AUTS2: variants seen among roughly 807,000 people sequenced by gnomAD.
AUTS2 encodes autism susceptibility gene 2 protein.
A neutral mutation model predicts 112.4 loss-of-function variants in AUTS2; 17 were observed. The observed-to-expected ratio is 0.15, with a 90% CI of 0.10 to 0.23. AUTS2 has a LOEUF of 0.23. Among genes scored for constraint, AUTS2 ranks in the 10% least tolerant of loss-of-function variants. AUTS2 has a pLI of 1.00. For synonymous variants in AUTS2, 751 were observed against 702.7 expected (o/e 1.07, Z -1.09); for missense variants, 1,510 against 1,701.6 (o/e 0.89, Z 1.98).
At chr7:69,950,374 A>C (rs192073323) in intron 2 of AUTS2, among the ~76,000 whole-genome samples, 40 of 152,248 alleles carry the variant, frequency 2.6e-4, no homozygotes, top group African/African-American at 9.4e-4. Context: ...AATGAATCAA[A>C]TCCTGGTTCA....
intron 6 of AUTS2, among the ~76,000 whole-genome samples, chr7:70,705,767 A>G (rs566809810): frequency 1.3e-5 from 2 of 152,294 alleles, no homozygotes; most frequent in Admixed American, 1.3e-4. Flanking sequence ...CCAAGAGGAA[A>G]GCTGGGCATA....
At chr7:69,807,130 A>G (rs1790344482) in intron 1 of AUTS2, among the ~76,000 whole-genome samples, 1 of 152,162 alleles carries the variant, frequency 6.6e-6, no homozygotes, top group South Asian at 2.1e-4. Context: ...CTTAAGCCTA[A>G]TGAGTTTGAA....
intron 6 of AUTS2, among the ~76,000 whole-genome samples, chr7:70,711,575 C>A (rs775425602): frequency 6.6e-6 from 1 of 152,176 alleles, no homozygotes; most frequent in South Asian, 2.1e-4. Flanking sequence ...CAGAAGAGTC[C>A]ACGGCAGTAA....
In AUTS2 at chr7:70,329,104, A is replaced by G. The variant is rs183602856; in HGVS notation, c.661-106648A>G. Among the ~76,000 whole-genome samples, 253 of 152,254 alleles carry G rather than the reference A, an allele frequency of 1.7e-3. 4 individuals carry two copies. Among genetic ancestry groups the G allele is most frequent in the Admixed American group, 0.012 (182 of 15,292 alleles). ...AGGTTCAGCCATGTATGTGTGTATA[A>G]TTACTCCACTCCTTTTTATAGCTGA... On this transcript the variant is annotated intron_variant, in intron 4 of 18. Coordinates refer to ENST00000342771, the MANE Select transcript of AUTS2 (RefSeq NM_015570.4).
At chr7:70,031,675 C>A (rs1432068274) in intron 2 of AUTS2, among the ~76,000 whole-genome samples, 2 of 152,060 alleles carry the variant, frequency 1.3e-5, no homozygotes, top group African/African-American at 4.8e-5. Context: ...TGATCAGGGG[C>A]CCTAGATTTC....
chr7:70,280,422 T>G (rs1369745913), intron 4 of AUTS2, among the ~76,000 whole-genome samples: 2 of 151,132 alleles, frequency 1.3e-5, no homozygotes, highest in Non-Finnish European at 3.0e-5. Flanking sequence ...TAGCTGGGAT[T>G]ATAGGTGCCC....
intron 2 of AUTS2, among the ~76,000 whole-genome samples, chr7:69,949,559 T>G (rs943691773): frequency 4.6e-5 from 7 of 152,224 alleles, no homozygotes; most frequent in African/African-American, 1.4e-4. Context: ...AAGATTTACT[T>G]TAGTTTTTCT....
At chr7:70,348,631 C>T (rs982658145) in intron 4 of AUTS2, among the ~76,000 whole-genome samples, 8 of 151,780 alleles carry the variant, frequency 5.3e-5, no homozygotes, top group African/African-American at 1.7e-4. Context: ...GGTGAAACCC[C>T]GTCTCTACTA....
intron 5 of AUTS2, among the ~76,000 whole-genome samples, chr7:70,591,501 G>A (rs950757557): frequency 3.3e-4 from 50 of 152,264 alleles, no homozygotes; most frequent in African/African-American, 1.2e-3. Flanking sequence ...AGGTTCAAGC[G>A]GTTCTTCTGC....
At chr7:70,357,979 G>A (rs10232148) in intron 4 of AUTS2, among the ~76,000 whole-genome samples, 3,084 of 130,730 alleles carry the variant, frequency 0.024, 107 homozygotes, top group African/African-American at 0.1. Context: ...AGAGCATGGA[G>A]GTTGGCGAGA....
intron 4 of AUTS2, among the ~76,000 whole-genome samples, chr7:70,328,671 C>T (rs1315794529): frequency 6.6e-6 from 1 of 152,024 alleles, no homozygotes; most frequent in Admixed American, 6.6e-5. Context: ...AGCAAATAAG[C>T]AATAAGTAAA....
chr7:69,807,612 A>G (rs918571680), intron 1 of AUTS2, among the ~76,000 whole-genome samples: 1 of 152,112 alleles, frequency 6.6e-6, no homozygotes, highest in African/African-American at 2.4e-5. Flanking sequence ...CTGTGTAGCA[A>G]GTGTGGCCAG....
chr7:69,954,558 C>G (rs1297102971), intron 2 of AUTS2, among the ~76,000 whole-genome samples: 1 of 152,216 alleles, frequency 6.6e-6, no homozygotes, highest in Non-Finnish European at 1.5e-5. Context: ...ATTCTCCTGC[C>G]TTGGCCCCCC....
chr7:70,043,256 G>C (rs1047928574), intron 2 of AUTS2, among the ~76,000 whole-genome samples: 2 of 152,094 alleles, frequency 1.3e-5, no homozygotes, highest in Non-Finnish European at 2.9e-5. Flanking sequence ...TTGGAAGATA[G>C]AATTAGCTTT....
intron 4 of AUTS2, among the ~76,000 whole-genome samples, chr7:70,369,430 A>G (rs183952990): frequency 1.3e-5 from 2 of 152,296 alleles, no homozygotes; most frequent in Non-Finnish European, 2.9e-5. Context: ...TTTTTGGGGA[A>G]GAGTTTCATG....
chr7:70,433,300 G>A (rs774219019), intron 4 of AUTS2, among the ~76,000 whole-genome samples: 6 of 152,290 alleles, frequency 3.9e-5, no homozygotes, highest in Non-Finnish European at 8.8e-5. Flanking sequence ...GGGCAAATGC[G>A]ATGCCACAGC....
chr7:69,819,308 C>T (rs981963816), intron 1 of AUTS2, among the ~76,000 whole-genome samples: 2 of 152,226 alleles, frequency 1.3e-5, no homozygotes, highest in Non-Finnish European at 2.9e-5. Context: ...ATTTCCAAAA[C>T]AGGCCTGAGG....
At chr7:69,618,627 A>G (rs1165358656) in intron 1 of AUTS2, among the ~76,000 whole-genome samples, 2 of 152,196 alleles carry the variant, frequency 1.3e-5, no homozygotes, top group African/African-American at 2.4e-5. Flanking sequence ...TTTGAGGACC[A>G]GTACACTATG....
rs1363896858 is a variant in AUTS2, at chr7:70,127,041, G to A, written c.625-7495G>A. Among the ~76,000 whole-genome samples, 3 of 152,116 alleles carry A rather than the reference G, an allele frequency of 2.0e-5. No individual in the cohort carries two copies. In the South Asian group the frequency reaches 6.2e-4, roughly 32 times the overall value. Reference sequence around the variant, plus strand: ...GGGGTTTTACCATGTTGGCCAGGCTGCTCTCGAACTCCTGACCTCAGGCAA... The same window carrying A: ...GGGGTTTTACCATGTTGGCCAGGCTACTCTCGAACTCCTGACCTCAGGCAA... On this transcript the variant is annotated intron_variant, in intron 3 of 18. Transcript: ENST00000342771.
Sources: allele counts gnomAD v4.1 joint callset (sites outside exome capture counted in the v4.1 genomes callset), GRCh38; gene constraint gnomAD v4.1.1; transcripts MANE v1.5; gene names NCBI Gene and HGNC (gene_info 2026-07-23, HGNC 2026-07-21).